Variants in NFIB observed in about 807,000 individuals in gnomAD.
The protein encoded by NFIB is nuclear factor I B.
Under a neutral mutation model 61.5 loss-of-function variants are expected in NFIB, and 11 were observed. The ratio of observed to expected loss-of-function variants is 0.18; its 90% CI spans 0.11 to 0.30. NFIB has a LOEUF of 0.30. Ranked by LOEUF, NFIB falls within the 10% of genes least tolerant of loss-of-function variation. NFIB has a pLI of 1.00. For synonymous variants in NFIB, 260 were observed against 216.5 expected (o/e 1.20, Z -1.76); for missense variants, 471 against 608.9 (o/e 0.77, Z 2.38).
intron 1 of NFIB, among the ~76,000 whole-genome samples, chr9:14,394,809 T>TA (rs1312677786): frequency 6.6e-6 from 1 of 152,196 alleles, no homozygotes; most frequent in African/African-American, 2.4e-5. Context: ...TGAACTGCCC[T>TA]AAGTCTCAGC....
At chr9:14,153,207 T>G (rs2043045154) in intron 4 of NFIB, among the ~76,000 whole-genome samples, 1 of 152,150 alleles carries the variant, frequency 6.6e-6, no homozygotes, top group African/African-American at 2.4e-5. Context: ...GTCTACGGAT[T>G]TATGCATGAG....
chr9:14,330,182 A>C (rs1384622380), intron 1 of NFIB, among the ~76,000 whole-genome samples: 1 of 152,174 alleles, frequency 6.6e-6, no homozygotes, highest in Non-Finnish European at 1.5e-5. Context: ...AACAGAATGC[A>C]AGTGAGGGAG....
the NFIB span, among the ~76,000 whole-genome samples, chr9:14,454,247 C>G: frequency 6.6e-6 from 1 of 152,150 alleles, no homozygotes; most frequent in African/African-American, 2.4e-5. Context: ...AAAGTTAGAC[C>G]TGACTTGTCA....
intron 1 of NFIB, among the ~76,000 whole-genome samples, chr9:14,333,751 A>G (rs2060849464): frequency 6.6e-6 from 1 of 152,234 alleles, no homozygotes; most frequent in Admixed American, 6.5e-5. Context: ...ATGTGTATCT[A>G]GGAAAGTATA....
intron 2 of NFIB, among the ~76,000 whole-genome samples, chr9:14,305,074 A>G (rs560314018): frequency 6.6e-6 from 1 of 152,358 alleles, no homozygotes; most frequent in South Asian, 2.1e-4. Flanking sequence ...TGGTCTCTTA[A>G]GAGTTGCTTA....
intron 3 of NFIB, among the ~76,000 whole-genome samples, 179 bp downstream of exon 3, chr9:14,179,548 C>G (rs531473881): frequency 6.6e-6 from 1 of 152,128 alleles, no homozygotes; most frequent in African/African-American, 2.4e-5. Context: ...ATACTGATGA[C>G]GCCAATATAA....
intron 2 of NFIB, among the ~76,000 whole-genome samples, chr9:14,223,929 G>A (rs1248484841): frequency 3.3e-5 from 5 of 152,118 alleles, no homozygotes; most frequent in Non-Finnish European, 7.4e-5. Context: ...ACTCTAGTTG[G>A]CCAAGAAGTC....
At chr9:14,394,585 GATTCA>G (rs1225539385) in intron 1 of NFIB, among the ~76,000 whole-genome samples, 1 of 152,186 alleles carries the variant, frequency 6.6e-6, no homozygotes, top group Non-Finnish European at 1.5e-5. Flanking sequence ...ATGCCCCCAT[GATTCA>G]ATTATCTCCA....
chr9:14,144,883 G>T (rs1047832244), intron 6 of NFIB, among the ~76,000 whole-genome samples: 5 of 152,168 alleles, frequency 3.3e-5, no homozygotes, highest in Admixed American at 6.6e-5. Flanking sequence ...GCAACTTCAA[G>T]TAAAGCAGTG....
At chr9:14,424,090 T>A in the NFIB span, among the ~76,000 whole-genome samples, 2 of 152,192 alleles carry the variant, frequency 1.3e-5, no homozygotes, top group Non-Finnish European at 2.9e-5. Flanking sequence ...TCTCTCCAAC[T>A]GTCTAACCCC....
At chr9:14,242,302 T>C (rs1327703211) in intron 2 of NFIB, among the ~76,000 whole-genome samples, 1 of 152,216 alleles carries the variant, frequency 6.6e-6, no homozygotes, top group Non-Finnish European at 1.5e-5. Context: ...TCTAGAAGTT[T>C]GAAAAGTCTA....
chr9:14,415,708 T>G, the NFIB span, among the ~76,000 whole-genome samples: 2 of 152,184 alleles, frequency 1.3e-5, no homozygotes, highest in East Asian at 3.8e-4. Context: ...GTAAAAAAGA[T>G]AATCACTCTC....
chr9:14,149,766 T>C (rs2042656170), intron 5 of NFIB, among the ~76,000 whole-genome samples: 1 of 152,196 alleles, frequency 6.6e-6, no homozygotes, highest in Admixed American at 6.6e-5. Context: ...AGCTTAGATG[T>C]AATATTTGGG....
chr9:14,213,843 T>G (rs1388255197), intron 2 of NFIB, among the ~76,000 whole-genome samples: 1 of 152,156 alleles, frequency 6.6e-6, no homozygotes, highest in Non-Finnish European at 1.5e-5. Context: ...GTGTTCCCTG[T>G]GTCCTAAAAC....
intron 10 of NFIB, among the ~76,000 whole-genome samples, chr9:14,112,626 C>T (rs115704292): frequency 6.6e-6 from 1 of 152,244 alleles, no homozygotes; most frequent in Middle Eastern, 3.4e-3. Context: ...CTCAAAAACT[C>T]GAATTATATA....
chr9:14,180,038 CA>C (rs2046595745), intron 2 of NFIB, among the ~76,000 whole-genome samples: 1 of 152,014 alleles, frequency 6.6e-6, no homozygotes, highest in Non-Finnish European at 1.5e-5. Context: ...TTTTTTGAAA[CA>C]AAAGATCTGG....
the NFIB span, among the ~76,000 whole-genome samples, chr9:14,497,304 T>C: frequency 1.3e-5 from 2 of 152,288 alleles, no homozygotes; most frequent in Admixed American, 6.5e-5. Context: ...ATGGGACAGG[T>C]GCCAAGGGGG....
chr9:14,264,450 A>C (rs1400752865), intron 2 of NFIB, among the ~76,000 whole-genome samples: 1 of 152,220 alleles, frequency 6.6e-6, no homozygotes, highest in East Asian at 1.9e-4. Context: ...CTATTATAAA[A>C]ATAGAAACCA....
At chr9:14,172,369 A>G (rs748013415) in intron 3 of NFIB, among the ~76,000 whole-genome samples, 1 of 152,206 alleles carries the variant, frequency 6.6e-6, no homozygotes, top group Non-Finnish European at 1.5e-5. Flanking sequence ...GGAAAAGTAA[A>G]GGACAGACAG....
Sources: allele counts gnomAD v4.1 joint callset (sites outside exome capture counted in the v4.1 genomes callset), GRCh38; gene constraint gnomAD v4.1.1; transcripts MANE v1.5; gene names NCBI Gene and HGNC (gene_info 2026-07-23, HGNC 2026-07-21).